The following CCT3 variants were observed in gnomAD, a reference collection of about 807,000 sequenced individuals.
The protein encoded by CCT3 is chaperonin containing TCP1 subunit 3.
In CCT3, 10 loss-of-function variants were observed where a neutral mutation model predicts 65.3. The observed-to-expected ratio is 0.15, with a 90% CI of 0.09 to 0.26. The LOEUF (loss-of-function observed/expected upper bound fraction) is 0.26. Ranked by LOEUF, CCT3 falls within the 10% of genes least tolerant of loss-of-function variation. CCT3 has a pLI of 1.00. For synonymous variants in CCT3, 225 were observed against 242.3 expected, an observed-to-expected ratio of 0.93 and a Z score of 0.66; for missense variants, 626 against 708.7, an observed-to-expected ratio of 0.88 and a Z score of 1.33.
Position 156,312,152 on chromosome 1 carries a change from G to C in CCT3, c.1044C>G (p.Gly348=). Residue 348 remains glycine, a synonymous_variant, in exon 11 of 14, where the codon GGC becomes GGG. Coordinates refer to ENST00000295688, the MANE Select transcript of CCT3 (RefSeq NM_005998.5). ...CTCCAATTTTCTTGATTTCCAACAG[G>C]CCTGCTCCTGTTCCAACATCATCTT... The part of the protein sequence containing the change: ...LREDDVGTGA[G]LLEIKKIGDE... 3 of 1,613,976 alleles carry C rather than the reference G, an allele frequency of 1.9e-6. No homozygotes were observed. Among genetic ancestry groups the C allele is most frequent in the Non-Finnish European group, 2.5e-6 (3 of 1,180,006 alleles).
At chr1:156,310,065 T>C (rs1355167936) in intron 13 of CCT3, among the ~76,000 whole-genome samples, 1 of 113,778 alleles carries the variant, frequency 8.8e-6, no homozygotes, top group Non-Finnish European at 1.8e-5. Flanking sequence ...AAAAAAAAAA[T>C]GCACTTCTCC....
At chr1:156,331,551 C>T (rs1168345066) in intron 5 of CCT3, among the ~76,000 whole-genome samples, 5 of 151,546 alleles carry the variant, frequency 3.3e-5, no homozygotes, top group African/African-American at 7.3e-5. Context: ...GGCGTGGTGG[C>T]GCATGCCTGT....
chr1:156,333,674 C>T (rs200337350), intron 4 of CCT3, 31 bp from the exon 5 acceptor site: 5 of 1,537,306 alleles, frequency 3.3e-6, no homozygotes, highest in Non-Finnish European at 3.6e-6. Context: ...TGAATTCACA[C>T]TATTCAAAGA....
At position 156,320,688 on chromosome 1, in the gene CCT3, G is replaced by A. The variant is rs1285703055; in HGVS notation, c.609+151C>T. 1.3e-5 allele frequency: 8 copies of A among 617,148 alleles called. 1 individual carries two copies. Among genetic ancestry groups the A allele is most frequent in the African/African-American group, 7.4e-5 (4 of 54,396 alleles). The allele number at this position is 617,148 out of a possible 1,614,324, so 38.2% of individuals were successfully genotyped here. A position where few individuals can be genotyped will look rare whatever the true frequency, so the allele number is the denominator to read the frequency against. ...TTTGAGGCTGCAGTGGGCTGTGACTGTGCCACTATACTCCAGCCTAGGCAA... is the reference window on the plus strand; with the variant it reads ...TTTGAGGCTGCAGTGGGCTGTGACTATGCCACTATACTCCAGCCTAGGCAA... On this transcript the variant is annotated intron_variant, in intron 7 of 13. Coordinates refer to ENST00000295688, the MANE Select transcript of CCT3 (RefSeq NM_005998.5).
Position 156,317,304 on chromosome 1 carries a change from A to G in CCT3, c.893-57T>C, listed in dbSNP as rs557869842. The stretch of plus-strand genomic sequence containing the variant: ...GGTTCTGAACTGGTTTTATAATCAA[A>G]GTACTCTTAACCATGACACTATTAC... On this transcript the variant is annotated intron_variant, in intron 9 of 13. Transcript: ENST00000295688. 3.7e-6 allele frequency: 6 copies of G among 1,603,216 alleles called. No individual in the cohort carries two copies. In the South Asian group the frequency reaches 5.5e-5, roughly 15 times the overall value.
rs1412321602 is a variant in CCT3, at chr1:156,328,457, C to T, written c.305-3368G>A. ...AAAGATTGAGAAATCGGATGGTTGC[C>T]GTGTCTGTGTAGAGAGAAGTAGACA... is the stretch of plus-strand genomic sequence containing the variant. On this transcript the variant is annotated intron_variant, in intron 5 of 13. Coordinates refer to ENST00000295688, the MANE Select transcript of CCT3 (RefSeq NM_005998.5). Among the ~76,000 whole-genome samples the T allele has an allele frequency of 1.2e-4, 19 of 152,048 alleles. 1 individual carries two copies. The highest frequency in any genetic ancestry group is 6.8e-3 in the Middle Eastern group (2 of 294).
intron 2 of CCT3, 99 bp from the exon 3 acceptor site, chr1:156,335,017 T>C: frequency 1.1e-6 from 1 of 923,800 alleles, no homozygotes; most frequent in Admixed American, 2.2e-5. Flanking sequence ...ACCCACAGAG[T>C]CAGTGTTTTA....
rs1323473937 is a variant in CCT3 at position 156,327,681 on chromosome 1, C to T, written c.305-2592G>A. Among the ~76,000 whole-genome samples the T allele has an allele frequency of 7.8e-3, 1,189 of 151,922 alleles. 18 individuals carry two copies. Among genetic ancestry groups the T allele is most frequent in the African/African-American group, 0.026 (1,091 of 41,458 alleles). On this transcript the variant is annotated intron_variant, in intron 5 of 13. Transcript: ENST00000295688. ...CGCCTGCCTTGGCCTCCCAAAGAGC[C>T]GAGATTGCAGCCTCTGCCCGGCCGC...
chr1:156,317,641 T>A, intron 8 of CCT3, 94 bp from the exon 9 acceptor site: 1 of 1,162,306 alleles, frequency 8.6e-7, no homozygotes, highest in Non-Finnish European at 1.2e-6. Flanking sequence ...CTCTCCCACG[T>A]ATCTCAGAGT....
intron 8 of CCT3, among the ~76,000 whole-genome samples, chr1:156,318,650 C>T (rs1664411597): frequency 1.3e-5 from 2 of 152,152 alleles, no homozygotes; most frequent in Admixed American, 6.5e-5. Context: ...TTGGCCAATA[C>T]TAGCTGTATT....
intron 1 of CCT3, chr1:156,337,928 C>T (rs1196327238): frequency 3.5e-6 from 2 of 576,408 alleles, no homozygotes; most frequent in Non-Finnish European, 6.2e-6. Flanking sequence ...GACGAGCACA[C>T]GTCAAGGAAA....
At chr1:156,320,188 T>C (rs967674672) in intron 7 of CCT3, among the ~76,000 whole-genome samples, 3 of 152,044 alleles carry the variant, frequency 2.0e-5, no homozygotes, top group African/African-American at 7.2e-5. Context: ...GGCAGATCAC[T>C]GAGGTCAGGA....
Position 156,338,248 on chromosome 1 carries a change from AG to A in CCT3, c.-65del, listed in dbSNP as rs57978767. The stretch of plus-strand genomic sequence containing the variant: ...AACCGGCAGAACCTTCTGGAGAGAG[AG>A]AACCAGACAGAAGCCCAGAAAACGC... On this transcript the variant is annotated 5_prime_UTR_variant, in exon 1 of 14. Transcript: ENST00000295688. 4.6e-6 allele frequency: 7 copies of A among 1,521,570 alleles called. No homozygotes were observed. Among genetic ancestry groups the A allele is most frequent in the African/African-American group, 1.4e-5 (1 of 73,258 alleles). 94.3% of individuals were successfully genotyped at this position (1,521,570 alleles called of 1,614,324 possible).
At chr1:156,329,112 T>G (rs1664991961) in intron 5 of CCT3, among the ~76,000 whole-genome samples, 1 of 150,256 alleles carries the variant, frequency 6.7e-6, no homozygotes. Context: ...TACAAATACT[T>G]ACCACTGTAT....
intron 10 of CCT3, among the ~76,000 whole-genome samples, chr1:156,313,295 C>T (rs1258312607): frequency 7.2e-6 from 1 of 139,022 alleles, no homozygotes; most frequent in Non-Finnish European, 1.5e-5. Context: ...GCTGAGATTT[C>T]ACCACTGCAC....
At chr1:156,318,033 AAAC>A (rs1276282566) in intron 8 of CCT3, among the ~76,000 whole-genome samples, 1 of 151,750 alleles carries the variant, frequency 6.6e-6, no homozygotes, top group Non-Finnish European at 1.5e-5. Flanking sequence ...TATCATTATA[AAAC>A]AACCAGAACT....
At chr1:156,334,692 A>G in intron 4 of CCT3, 21 bp downstream of exon 4, 1 of 1,611,950 alleles carries the variant, frequency 6.2e-7, no homozygotes, top group East Asian at 2.2e-5. Flanking sequence ...GCAAAAAAAC[A>G]AAACCAAAAA....
intron 6 of CCT3, among the ~76,000 whole-genome samples, chr1:156,323,307 G>A (rs1280098360): frequency 8.2e-5 from 9 of 110,034 alleles, no homozygotes; most frequent in African/African-American, 2.5e-4. Flanking sequence ...CAAAAACTCC[G>A]TCTCAAGAAA....
intron 10 of CCT3, among the ~76,000 whole-genome samples, chr1:156,314,883 G>C (rs895073761): frequency 6.6e-6 from 1 of 152,172 alleles, no homozygotes; most frequent in Non-Finnish European, 1.5e-5. Context: ...ATTCAAGACT[G>C]CTTTTGACTT....
Sources: gnomAD v4.1 joint callset for allele counts (sites outside exome capture counted in the v4.1 genomes callset) on GRCh38, gnomAD v4.1.1 for gene constraint, MANE v1.5 for transcripts, NCBI Gene and HGNC (gene_info 2026-07-23, HGNC 2026-07-21) for gene names.